The following ADAMTSL1 variants were observed in gnomAD, a reference collection of about 807,000 sequenced individuals.
The protein encoded by ADAMTSL1 is ADAMTS-like protein 1.
A neutral mutation model predicts 201.8 loss-of-function variants in ADAMTSL1; 126 were observed. The ratio of observed to expected loss-of-function variants is 0.62; its 90% CI spans 0.54 to 0.72. The LOEUF (loss-of-function observed/expected upper bound fraction) is 0.72. Ranked by LOEUF, ADAMTSL1 falls within the 30% of genes least tolerant of loss-of-function variation. The pLI is 0.00. For synonymous variants in ADAMTSL1, 1,121 were observed against 903.4 expected, an observed-to-expected ratio of 1.24 and a Z score of -4.32; for missense variants, 2,679 against 2,277.8, an observed-to-expected ratio of 1.18 and a Z score of -3.59.
intron 1 of ADAMTSL1, among the ~76,000 whole-genome samples, chr9:18,502,673 G>C (rs1433257730): frequency 6.6e-6 from 1 of 152,090 alleles, no homozygotes; most frequent in Non-Finnish European, 1.5e-5. Flanking sequence ...TACCAAGGTG[G>C]CTCCGTTATC....
intron 3 of ADAMTSL1, among the ~76,000 whole-genome samples, chr9:18,572,137 G>C (rs906828417): frequency 6.6e-6 from 1 of 151,824 alleles, no homozygotes; most frequent in South Asian, 2.1e-4. Context: ...GGAGGTTGCA[G>C]TGAGCCGAGA....
At chr9:18,744,693 G>C (rs906050732) in intron 15 of ADAMTSL1, among the ~76,000 whole-genome samples, 4 of 152,196 alleles carry the variant, frequency 2.6e-5, no homozygotes, top group African/African-American at 9.6e-5. Context: ...TGAGTGAATT[G>C]TTAAGTAACT....
In ADAMTSL1 at chr9:18,662,087, G is replaced by C. The variant is rs1441602528; in HGVS notation, c.1085+14G>C. The C allele has an allele frequency of 1.2e-6, 2 of 1,609,104 alleles. No individual in the cohort carries two copies. The highest frequency in any genetic ancestry group is 1.3e-5 in the African/African-American group (1 of 74,644). On this transcript the variant is annotated intron_variant, in intron 9 of 28. Transcript: ENST00000380548. ...TTGTCCAGCCAGGTCAGTCAAATTT[G>C]CTAGTTCATTTGTCATAAACATAAC...
intron 1 of ADAMTSL1, among the ~76,000 whole-genome samples, chr9:18,130,458 A>C (rs2187453): frequency 0.39 from 58,572 of 151,982 alleles, 12,551 homozygotes; most frequent in South Asian, 0.48. Context: ...TGAAAATTTG[A>C]CCAATTATTT....
At chr9:18,490,134 A>G (rs1318820307) in intron 1 of ADAMTSL1, among the ~76,000 whole-genome samples, 1 of 152,176 alleles carries the variant, frequency 6.6e-6, no homozygotes, top group Admixed American at 6.5e-5. Flanking sequence ...GTTTTACTGC[A>G]TGTGTCCTGG....
At chr9:18,835,681 C>T (rs1187132520) in intron 23 of ADAMTSL1, among the ~76,000 whole-genome samples, 1 of 152,022 alleles carries the variant, frequency 6.6e-6, no homozygotes, top group African/African-American at 2.4e-5. Context: ...TAGTAGTCCC[C>T]AGTGTCTACT....
chr9:18,080,999 C>G (rs1322290556), intron 1 of ADAMTSL1, among the ~76,000 whole-genome samples: 1 of 152,114 alleles, frequency 6.6e-6, no homozygotes, highest in East Asian at 1.9e-4. Flanking sequence ...TCTGGTGATA[C>G]AATGCCAACA....
At chr9:18,872,653 C>A (rs753305269) in intron 23 of ADAMTSL1, among the ~76,000 whole-genome samples, 9 of 152,180 alleles carry the variant, frequency 5.9e-5, no homozygotes, top group Admixed American at 2.0e-4. Flanking sequence ...CAGGTTGCTG[C>A]AAATGCCATT....
chr9:18,390,668 A>C (rs2791445), intron 2 of ADAMTSL1, among the ~76,000 whole-genome samples: 1 of 152,116 alleles, frequency 6.6e-6, no homozygotes, highest in African/African-American at 2.4e-5. Context: ...CAAGAAGAAC[A>C]CCTCAAGAGA....
chr9:18,358,223 T>G (rs1202300717), intron 2 of ADAMTSL1, among the ~76,000 whole-genome samples: 1 of 152,220 alleles, frequency 6.6e-6, no homozygotes, highest in Non-Finnish European at 1.5e-5. Flanking sequence ...GAGAGCTTAA[T>G]GAATGCTAGT....
chr9:18,541,037 C>T (rs1259029051), intron 3 of ADAMTSL1, among the ~76,000 whole-genome samples: 1 of 152,162 alleles, frequency 6.6e-6, no homozygotes, highest in African/African-American at 2.4e-5. Context: ...TTCCCTCATA[C>T]TATATAACCT....
chr9:17,996,723 T>C (rs1212596984), intron 1 of ADAMTSL1, among the ~76,000 whole-genome samples: 1 of 152,064 alleles, frequency 6.6e-6, no homozygotes, highest in Non-Finnish European at 1.5e-5. Context: ...TCTTACTTTA[T>C]CCTTCTTCTA....
intron 1 of ADAMTSL1, among the ~76,000 whole-genome samples, chr9:17,939,519 C>G (rs142433433): frequency 6.6e-6 from 1 of 151,980 alleles, no homozygotes; most frequent in Non-Finnish European, 1.5e-5. Context: ...ATAATGTATA[C>G]TTGGTTGGTA....
intron 2 of ADAMTSL1, among the ~76,000 whole-genome samples, chr9:18,211,776 T>C (rs1182348152): frequency 6.6e-6 from 1 of 152,252 alleles, no homozygotes; most frequent in South Asian, 2.1e-4. Context: ...TACAAAACTT[T>C]GCACTTTACA....
chr9:18,775,660 T>G, intron 17 of ADAMTSL1, 83 bp from the exon 18 acceptor site: 4 of 1,518,664 alleles, frequency 2.6e-6, no homozygotes, highest in Non-Finnish European at 3.6e-6. Context: ...ATTTCTCATA[T>G]TTTGATGAGT....
At position 18,054,060 on chromosome 9, in the gene ADAMTSL1, G is replaced by A. The variant is rs565805065; in HGVS notation, c.88-109802G>A. ...TATAAAAGGACATAGATGCTTACAT[G>A]ATAGAAACTACTATAATTAAAACTA... On this transcript the variant is annotated intron_variant, in intron 1 of 29. Coordinates refer to the ADAMTSL1 transcript ENST00000680146. Among the ~76,000 whole-genome samples, 10 of 152,066 alleles carry A rather than the reference G, an allele frequency of 6.6e-5. 1 individual carries two copies. Among genetic ancestry groups the A allele is most frequent in the African/African-American group, 2.4e-4 (10 of 41,482 alleles).
At chr9:18,319,706 A>G (rs573271980) in intron 2 of ADAMTSL1, among the ~76,000 whole-genome samples, 1 of 152,304 alleles carries the variant, frequency 6.6e-6, no homozygotes, top group South Asian at 2.1e-4. Flanking sequence ...TGGAAGAACA[A>G]CTATTAAAAT....
intron 2 of ADAMTSL1, among the ~76,000 whole-genome samples, chr9:18,218,474 T>C (rs376075979): frequency 6.6e-6 from 1 of 152,184 alleles, no homozygotes; most frequent in Non-Finnish European, 1.5e-5. Context: ...GTTCAAACGT[T>C]ACCAAATGAT....
intron 2 of ADAMTSL1, among the ~76,000 whole-genome samples, chr9:18,189,192 A>G (rs1828866920): frequency 6.6e-6 from 1 of 152,166 alleles, no homozygotes; most frequent in Admixed American, 6.6e-5. Context: ...ACTGCTTCCA[A>G]CTGAGGTGGG....
Sources: allele counts gnomAD v4.1 joint callset (sites outside exome capture counted in the v4.1 genomes callset), GRCh38; gene constraint gnomAD v4.1.1; transcripts MANE v1.5; gene names NCBI Gene and HGNC (gene_info 2026-07-23, HGNC 2026-07-21).